MACROD2: variants seen among roughly 807,000 people sequenced by gnomAD.
MACROD2 encodes the protein ADP-ribose glycohydrolase MACROD2.
A neutral mutation model predicts 70.4 loss-of-function variants in MACROD2; 36 were observed. That is an observed-to-expected ratio of 0.51 (90% CI 0.39 to 0.68). The LOEUF is 0.68. MACROD2 is among the 30% of genes least tolerant of loss of function. MACROD2 has a pLI of 0.00. For synonymous variants in MACROD2, 172 were observed against 178.8 expected (o/e 0.96, Z 0.30); for missense variants, 496 against 538.4 (o/e 0.92, Z 0.78).
At chr20:14,718,297 A>AAAAAC in intron 5 of MACROD2, among the ~76,000 whole-genome samples, 1 of 148,144 alleles carries the variant, frequency 6.8e-6, no homozygotes, top group Admixed American at 6.7e-5. Flanking sequence ...TGTCTCAAAA[A>AAAAAC]AAAAAAAAAA....
At chr20:14,911,052 A>C (rs2074020977) in intron 5 of MACROD2, among the ~76,000 whole-genome samples, 1 of 152,208 alleles carries the variant, frequency 6.6e-6, no homozygotes, top group Non-Finnish European at 1.5e-5. Flanking sequence ...AAAAAGCATC[A>C]AAACTCATTG....
intron 8 of MACROD2, among the ~76,000 whole-genome samples, chr20:15,825,206 ATCTGGGCAGCCC>A (rs2063983997): frequency 1.3e-5 from 2 of 152,210 alleles, no homozygotes; most frequent in Admixed American, 6.5e-5. Flanking sequence ...TTTCTCTTAA[ATCTGGGCAGCCC>A]TTGTGACTAC....
At chr20:14,288,009 T>G (rs1296815015) in intron 3 of MACROD2, among the ~76,000 whole-genome samples, 1 of 152,042 alleles carries the variant, frequency 6.6e-6, no homozygotes, top group Non-Finnish European at 1.5e-5. Context: ...CCATATTCTA[T>G]TGCTTAGAAA....
chr20:15,785,989 A>G (rs1025946791), intron 8 of MACROD2, among the ~76,000 whole-genome samples: 1 of 152,194 alleles, frequency 6.6e-6, no homozygotes, highest in African/African-American at 2.4e-5. Flanking sequence ...GTTCTGGTTA[A>G]CATGTTTTAT....
intron 15 of MACROD2, among the ~76,000 whole-genome samples, chr20:16,021,102 A>C (rs1568714371): frequency 6.6e-6 from 1 of 152,224 alleles, no homozygotes; most frequent in Non-Finnish European, 1.5e-5. Context: ...AATTTTTAAT[A>C]GAAAATGATA....
chr20:15,843,578 C>T (rs540461908), intron 8 of MACROD2, among the ~76,000 whole-genome samples: 5 of 152,192 alleles, frequency 3.3e-5, no homozygotes, highest in Non-Finnish European at 5.9e-5. Flanking sequence ...AGCTGCAAAT[C>T]GATTAACTTC....
chr20:15,115,633 A>G (rs1218148870), intron 5 of MACROD2, among the ~76,000 whole-genome samples: 1 of 152,194 alleles, frequency 6.6e-6, no homozygotes. Flanking sequence ...GATTCTAAAG[A>G]TAGGATTTTA....
chr20:14,092,828 T>A (rs1205408753), intron 3 of MACROD2, among the ~76,000 whole-genome samples: 2 of 152,242 alleles, frequency 1.3e-5, no homozygotes, highest in Non-Finnish European at 2.9e-5. Context: ...GGCTACTGAA[T>A]GGATTTAATA....
intron 13 of MACROD2, among the ~76,000 whole-genome samples, chr20:15,971,608 T>C (rs1033014405): frequency 6.6e-6 from 1 of 152,158 alleles, no homozygotes; most frequent in Non-Finnish European, 1.5e-5. Flanking sequence ...ATACATTCTC[T>C]AAGTTCAAGA....
At chr20:14,555,527 G>A (rs114636453) in intron 4 of MACROD2, among the ~76,000 whole-genome samples, 26 of 152,040 alleles carry the variant, frequency 1.7e-4, no homozygotes, top group Admixed American at 4.6e-4. Context: ...AAAAGCAAAC[G>A]GAGCCCATAT....
chr20:16,015,064 A>C (rs192221380), intron 15 of MACROD2, among the ~76,000 whole-genome samples: 14 of 152,278 alleles, frequency 9.2e-5, no homozygotes, highest in Non-Finnish European at 2.1e-4. Flanking sequence ...AAGAGACTTT[A>C]TTATTTTAGC....
chr20:15,414,453 C>T (rs1453221953), intron 6 of MACROD2, among the ~76,000 whole-genome samples: 1 of 152,188 alleles, frequency 6.6e-6, no homozygotes, highest in African/African-American at 2.4e-5. Context: ...GTGGTCTAAG[C>T]TGTAGACGTG....
chr20:15,868,990 C>T (rs2147175938), intron 9 of MACROD2, among the ~76,000 whole-genome samples: 2 of 151,608 alleles, frequency 1.3e-5, no homozygotes, highest in South Asian at 4.2e-4. Context: ...CATGGTCTCA[C>T]CATGTTGCCC....
rs148849531 is a variant in MACROD2, at chr20:15,709,319, T to C, written c.646-153426T>C. 8.5e-3 allele frequency among the ~76,000 whole-genome samples: 1,291 copies of C among 152,318 alleles called. 16 individuals carry two copies. Among genetic ancestry groups the C allele is most frequent in the African/African-American group, 0.03 (1,240 of 41,558 alleles). On this transcript the variant is annotated intron_variant, in intron 8 of 17. Transcript: ENST00000684519. ...AGCATTGCTTTTCTGGGAAAATCTT[T>C]TTAAATGTTTTTTAATATAGAAGAC...
rs797008937 is a variant in MACROD2, at chr20:14,470,332, A to T, written c.272-23147A>T. On this transcript the variant is annotated intron_variant, in intron 3 of 17. Coordinates refer to ENST00000684519, the MANE Select transcript of MACROD2 (RefSeq NM_001351661.2). ...TTCAGAGGGGCATCTGCCAGATGCT[A>T]GCCGGAGCTCTCCTATATGAGATGT... Among the ~76,000 whole-genome samples the T allele has an allele frequency of 1.9e-4, 29 of 152,184 alleles. 1 individual carries two copies. Among genetic ancestry groups the T allele is most frequent in the African/African-American group, 7.0e-4 (29 of 41,536 alleles).
At chr20:15,489,166 T>C (rs1040888041) in intron 7 of MACROD2, among the ~76,000 whole-genome samples, 1 of 152,196 alleles carries the variant, frequency 6.6e-6, no homozygotes. Context: ...AGACCAAAGC[T>C]GAATATAGTA....
At chr20:14,353,331 T>A (rs2083142242) in intron 3 of MACROD2, among the ~76,000 whole-genome samples, 1 of 152,168 alleles carries the variant, frequency 6.6e-6, no homozygotes. Context: ...ATTTTAATGA[T>A]AATTTATTCA....
intron 3 of MACROD2, among the ~76,000 whole-genome samples, chr20:14,225,461 T>C (rs2081723987): frequency 6.6e-6 from 1 of 152,236 alleles, no homozygotes; most frequent in Non-Finnish European, 1.5e-5. Context: ...AAAAGTATAT[T>C]CATTTTCTAA....
At chr20:15,599,930 G>A (rs2048796817) in intron 8 of MACROD2, among the ~76,000 whole-genome samples, 1 of 152,054 alleles carries the variant, frequency 6.6e-6, no homozygotes, top group African/African-American at 2.4e-5. Flanking sequence ...AAATCCCCCT[G>A]TCTTTTCCTT....
Sources: allele counts gnomAD v4.1 joint callset (sites outside exome capture counted in the v4.1 genomes callset), GRCh38; gene constraint gnomAD v4.1.1; transcripts MANE v1.5; gene names NCBI Gene and HGNC (gene_info 2026-07-23, HGNC 2026-07-21).